The following SPIDR variants were observed in gnomAD, a reference collection of about 807,000 sequenced individuals.
SPIDR encodes the protein DNA repair-scaffolding protein.
In SPIDR, 93 loss-of-function variants were observed where a neutral mutation model predicts 104.6. The ratio of observed to expected loss-of-function variants is 0.89; its 90% confidence interval spans 0.75 to 1.06. The LOEUF is 1.06. Ranked by LOEUF, SPIDR falls within the 50% of genes least tolerant of loss-of-function variation. The pLI, the probability that SPIDR is intolerant of heterozygous loss-of-function variation, is 0.00. For synonymous variants in SPIDR, 431 were observed against 416.9 expected (o/e 1.03, Z -0.41); for missense variants, 1,154 against 1,111.2 (o/e 1.04, Z -0.55).
At chr8:47,392,140 A>T (rs1311299640) in intron 5 of SPIDR, among the ~76,000 whole-genome samples, 1 of 152,228 alleles carries the variant, frequency 6.6e-6, no homozygotes, top group African/African-American at 2.4e-5. Flanking sequence ...AACATTTGCT[A>T]AATGCTTATA....
At chr8:47,417,499 G>C (rs1447570178) in intron 7 of SPIDR, among the ~76,000 whole-genome samples, 4 of 152,126 alleles carry the variant, frequency 2.6e-5, no homozygotes, top group African/African-American at 9.7e-5. Context: ...ATTTGTTTGA[G>C]TTCATTGTAG....
At chr8:47,621,262 A>G (rs1178900583) in intron 10 of SPIDR, among the ~76,000 whole-genome samples, 4 of 152,198 alleles carry the variant, frequency 2.6e-5, no homozygotes, top group African/African-American at 9.6e-5. Flanking sequence ...GCCAATTCAT[A>G]TGGGTTTTAG....
chr8:47,368,343 CAAAAAAAAAAAAAAAAAAAAAAAAAA>C lies in SPIDR; in HGVS notation c.526-28017_526-27992del, dbSNP rs34106189. 1.2e-3 allele frequency among the ~76,000 whole-genome samples: 59 copies of C among 49,422 alleles called. 1 individual carries two copies. Among genetic ancestry groups the C allele is most frequent in the African/African-American group, 1.5e-3 (15 of 9,836 alleles). 32.4% of individuals were successfully genotyped at this position (49,422 alleles called of 152,430 possible). A position where few individuals can be genotyped will look rare whatever the true frequency, so the allele number is the denominator to read the frequency against. Reference sequence around the variant, plus strand: ...ACAGAGTCAGAAGGAGTTGAGAAGTCAAAAAAAAAAAAAAAAAAAAAAAAAAAAAAAAAAAAAAAAAGGATTTTGCT... The same window carrying C: ...ACAGAGTCAGAAGGAGTTGAGAAGTCAAAAAAAAAAAAAAAGGATTTTGCT... On this transcript the variant is annotated intron_variant, in intron 5 of 19. Coordinates refer to ENST00000297423, the MANE Select transcript of SPIDR (RefSeq NM_001080394.4).
At chr8:47,532,672 A>G (rs1165963781) in intron 8 of SPIDR, among the ~76,000 whole-genome samples, 2 of 152,378 alleles carry the variant, frequency 1.3e-5, no homozygotes, top group African/African-American at 4.8e-5. Context: ...AAAACAGACA[A>G]AACCACTATT....
At chr8:47,616,779 G>T (rs2064377073) in intron 10 of SPIDR, among the ~76,000 whole-genome samples, 2 of 152,078 alleles carry the variant, frequency 1.3e-5, no homozygotes. Context: ...ACATTATTAT[G>T]ACACATACAT....
At chr8:47,441,014 T>C (rs564418358) in intron 8 of SPIDR, among the ~76,000 whole-genome samples, 2 of 152,234 alleles carry the variant, frequency 1.3e-5, no homozygotes, top group Non-Finnish European at 2.9e-5. Context: ...GGATACTATG[T>C]GTGCTGTCTT....
intron 8 of SPIDR, among the ~76,000 whole-genome samples, chr8:47,524,926 T>G (rs1699515763): frequency 6.6e-6 from 1 of 152,208 alleles, no homozygotes; most frequent in African/African-American, 2.4e-5. Context: ...ATGTAGTTTT[T>G]AGGGGAGATC....
At chr8:47,520,594 T>G (rs965827721) in intron 8 of SPIDR, among the ~76,000 whole-genome samples, 4 of 152,230 alleles carry the variant, frequency 2.6e-5, no homozygotes, top group Admixed American at 6.5e-5. Flanking sequence ...TGAAAATTCT[T>G]AACTTATTCC....
At chr8:47,275,228 C>G (rs2036165979) in intron 1 of SPIDR, among the ~76,000 whole-genome samples, 2 of 151,398 alleles carry the variant, frequency 1.3e-5, no homozygotes, top group Admixed American at 6.6e-5. Context: ...CACTGCACTC[C>G]AGCCTGGGGG....
intron 8 of SPIDR, among the ~76,000 whole-genome samples, chr8:47,515,263 G>T (rs554694413): frequency 6.6e-6 from 1 of 152,176 alleles, no homozygotes; most frequent in East Asian, 1.9e-4. Context: ...CTATTTTGGT[G>T]CTTATGAGGA....
chr8:47,727,370 T>G lies in SPIDR; in HGVS notation c.2435+77T>G, dbSNP rs917529782. ...GCAACCCAGCCCCAGAACCTGGGCC[T>G]TGCTACCTCAGGTGACTCCCTCGAG... is the stretch of plus-strand genomic sequence containing the variant. On this transcript the variant is annotated intron_variant, in intron 17 of 19. Transcript: ENST00000297423. 13 of 1,355,840 alleles carry G rather than the reference T, an allele frequency of 9.6e-6. No homozygotes were observed. In the African/African-American group the frequency reaches 1.3e-4, roughly 13 times the overall value. The allele number at this position is 1,355,840 out of a possible 1,614,324, so 84.0% of individuals were successfully genotyped here.
intron 12 of SPIDR, 104 bp from the exon 13 acceptor site, chr8:47,701,617 T>G: frequency 8.6e-7 from 1 of 1,159,658 alleles, no homozygotes; most frequent in South Asian, 1.5e-5. Flanking sequence ...AGGATGCACC[T>G]GTAAGCAAAT....
At chr8:47,596,223 T>C (rs1261044225) in intron 9 of SPIDR, among the ~76,000 whole-genome samples, 2 of 152,240 alleles carry the variant, frequency 1.3e-5, no homozygotes, top group African/African-American at 2.4e-5. Flanking sequence ...ATCTTTCTAA[T>C]TATGTGTCTT....
At position 47,700,404 on chromosome 8, in the gene SPIDR, A is replaced by G. The variant is rs763312336; in HGVS notation, c.1687A>G (p.Thr563Ala). 1 of 1,614,192 alleles carries G rather than the reference A, an allele frequency of 6.2e-7. No homozygotes were observed. Among genetic ancestry groups the G allele is most frequent in the South Asian group, 1.1e-5 (1 of 91,088 alleles). The change falls in exon 12 of 20, where the codon ACA becomes GCA. Residue 563 changes from threonine to alanine, a missense_variant and splice_region_variant. Thr to Ala is a moderately conservative substitution (Grantham distance 58). Transcript: ENST00000297423. ...TACCTTTGACTTTTCTTGTTCCAGG[A>G]CAGCGGGGATTTTCAGTTTGATTGA... ...KVLQKVTRGR[T>A]AGIFSLIDTL...
intron 8 of SPIDR, among the ~76,000 whole-genome samples, chr8:47,575,646 C>CA (rs1173651690): frequency 0.11 from 4,786 of 44,876 alleles, 144 homozygotes; most frequent in Non-Finnish European, 0.12. Context: ...GACTCCGTCT[C>CA]AAAAAAAAAA....
intron 7 of SPIDR, among the ~76,000 whole-genome samples, chr8:47,424,482 A>T (rs552334532): frequency 6.3e-4 from 95 of 151,924 alleles, no homozygotes; most frequent in Non-Finnish European, 1.3e-3. Context: ...TTAAAAAAAA[A>T]TTTCTTTTTT....
At chr8:47,592,534 T>C (rs879128350) in intron 8 of SPIDR, 1 of 1,359,502 alleles carries the variant, frequency 7.4e-7, no homozygotes, top group Non-Finnish European at 1.0e-6. Context: ...CATCTGGTTC[T>C]GCTTTGATGC....
At chr8:47,262,185 A>T (rs955613036) in intron 1 of SPIDR, among the ~76,000 whole-genome samples, 1 of 152,234 alleles carries the variant, frequency 6.6e-6, no homozygotes, top group African/African-American at 2.4e-5. Flanking sequence ...CCTAGAGCTC[A>T]AACTTAGTGC....
intron 5 of SPIDR, among the ~76,000 whole-genome samples, chr8:47,320,029 T>C (rs2046235242): frequency 6.6e-6 from 1 of 151,722 alleles, no homozygotes; most frequent in Non-Finnish European, 1.5e-5. Flanking sequence ...AACATCACAA[T>C]TAAAAGAACT....
Sources: gnomAD v4.1 joint callset for allele counts (sites outside exome capture counted in the v4.1 genomes callset) on GRCh38, gnomAD v4.1.1 for gene constraint, MANE v1.5 for transcripts, NCBI Gene and HGNC (gene_info 2026-07-23, HGNC 2026-07-21) for gene names.